Variants in CLSTN2 observed in about 807,000 individuals in gnomAD.
CLSTN2 encodes the protein calsyntenin 2.
In CLSTN2, 48 loss-of-function variants were observed where a neutral mutation model predicts 101.2. The observed-to-expected ratio is 0.47, with a 90% CI of 0.38 to 0.60. CLSTN2 has a LOEUF of 0.60. Among genes scored for constraint, CLSTN2 ranks in the 20% least tolerant of loss-of-function variants. CLSTN2 has a pLI of 0.00. For synonymous variants in CLSTN2, 481 were observed against 463.6 expected, an observed-to-expected ratio of 1.04 and a Z score of -0.48; for missense variants, 1,160 against 1,238.2, an observed-to-expected ratio of 0.94 and a Z score of 0.95.
chr3:140,038,971 T>C (rs1291011229), intron 1 of CLSTN2, among the ~76,000 whole-genome samples: 1 of 152,210 alleles, frequency 6.6e-6, no homozygotes, highest in East Asian at 1.9e-4. Flanking sequence ...GTGAGTTTAC[T>C]TGACTTCATT....
intron 9 of CLSTN2, 30 bp downstream of exon 9, chr3:140,532,516 C>A: frequency 3.8e-6 from 6 of 1,589,944 alleles, no homozygotes; most frequent in Non-Finnish European, 5.2e-6. Flanking sequence ...TTTTCTCTGA[C>A]CTGTTTGTGA....
chr3:140,241,487 A>G (rs1191367714), intron 2 of CLSTN2, among the ~76,000 whole-genome samples: 2 of 152,236 alleles, frequency 1.3e-5, no homozygotes, highest in East Asian at 1.9e-4. Context: ...ACCTAGAAGG[A>G]GCTGATTCTG....
intron 7 of CLSTN2, among the ~76,000 whole-genome samples, chr3:140,463,470 A>G (rs2108018976): frequency 6.6e-6 from 1 of 152,314 alleles, no homozygotes; most frequent in African/African-American, 2.4e-5. Context: ...AGGTACCCAG[A>G]AAACCACTCA....
At chr3:140,502,663 G>A (rs1934603804) in intron 8 of CLSTN2, among the ~76,000 whole-genome samples, 1 of 152,206 alleles carries the variant, frequency 6.6e-6, no homozygotes. Context: ...GGGATGGGGT[G>A]CAGTGGAGTG....
At chr3:140,322,137 G>T (rs897553534) in intron 2 of CLSTN2, among the ~76,000 whole-genome samples, 1 of 152,240 alleles carries the variant, frequency 6.6e-6, no homozygotes, top group South Asian at 2.1e-4. Context: ...GTCAGCAAAA[G>T]GAAAGAAACA....
At chr3:140,564,926 G>T (rs7631249) in intron 16 of CLSTN2, among the ~76,000 whole-genome samples, 4 of 152,004 alleles carry the variant, frequency 2.6e-5, no homozygotes, top group Non-Finnish European at 5.9e-5. Flanking sequence ...AAAAGGTAGG[G>T]GAAGATGATT....
At chr3:140,453,065 G>A (rs746791141) in intron 6 of CLSTN2, among the ~76,000 whole-genome samples, 6 of 152,206 alleles carry the variant, frequency 3.9e-5, no homozygotes, top group Non-Finnish European at 8.8e-5. Context: ...ATTAACAACA[G>A]CCCAAGAAAA....
chr3:140,466,587 C>T (rs1275576839), intron 7 of CLSTN2, 23 bp from the exon 8 acceptor site: 1 of 1,614,022 alleles, frequency 6.2e-7, no homozygotes, highest in African/African-American at 1.3e-5. Flanking sequence ...TCTCACTCTT[C>T]AAACCTTCTT....
rs142918111 is a variant in CLSTN2, at chr3:140,057,588, C to T, written c.110-118363C>T. ...TTAATCGCCTCATTAGTCATATTTA[C>T]ATTTTATTTTAATTGCATCCTCGAG... is the stretch of plus-strand genomic sequence containing the variant. On this transcript the variant is annotated intron_variant, in intron 1 of 16. Coordinates refer to ENST00000458420, the MANE Select transcript of CLSTN2 (RefSeq NM_022131.3). 1.4e-3 allele frequency among the ~76,000 whole-genome samples: 209 copies of T among 152,250 alleles called. 1 individual carries two copies. The East Asian group carries it at 0.022, about 16-fold the overall frequency.
In CLSTN2 at chr3:140,419,494, A is replaced by ATAT. The variant is rs1553741989; in HGVS notation, c.638-1631_638-1630insTAT. Among the ~76,000 whole-genome samples the ATAT allele has an allele frequency of 4.0e-4, 22 of 55,010 alleles. 4 individuals carry two copies. The highest frequency in any genetic ancestry group is 2.7e-3 in the South Asian group (6 of 2,208). The allele number at this position is 55,010 out of a possible 152,430, so 36.1% of individuals were successfully genotyped here. A position where few individuals can be genotyped will look rare whatever the true frequency, so the allele number is the denominator to read the frequency against. ...CCAGACTCTGTCTCAAAAAAAAAAAAATATATATATATATATATACACACA... is the reference window on the plus strand; with the variant it reads ...CCAGACTCTGTCTCAAAAAAAAAAAATATATATATATATATATATATACACACA... On this transcript the variant is annotated intron_variant, in intron 4 of 16. Transcript: ENST00000458420.
At chr3:140,538,034 G>T (rs897120502) in intron 9 of CLSTN2, among the ~76,000 whole-genome samples, 1 of 107,756 alleles carries the variant, frequency 9.3e-6, no homozygotes, top group South Asian at 2.4e-4. Context: ...AGCCGTTAAT[G>T]AAATGGCTAA....
At chr3:139,965,180 G>C (rs1466110435) in intron 1 of CLSTN2, among the ~76,000 whole-genome samples, 2 of 152,182 alleles carry the variant, frequency 1.3e-5, no homozygotes, top group Non-Finnish European at 2.9e-5. Flanking sequence ...TTAATCAAAG[G>C]TTCTATCATT....
intron 1 of CLSTN2, among the ~76,000 whole-genome samples, chr3:139,968,202 A>T (rs993399075): frequency 6.6e-6 from 1 of 152,168 alleles, no homozygotes; most frequent in African/African-American, 2.4e-5. Flanking sequence ...TGGAAGCCAG[A>T]ATTAACCAGA....
intron 1 of CLSTN2, among the ~76,000 whole-genome samples, chr3:140,166,748 G>T (rs2010141128): frequency 6.6e-6 from 1 of 152,168 alleles, no homozygotes; most frequent in Non-Finnish European, 1.5e-5. Context: ...TGTTTCCTCT[G>T]CATGAGTGCA....
intron 15 of CLSTN2, 111 bp from the exon 16 acceptor site, chr3:140,563,850 G>GA (rs1395345330): frequency 9.5e-7 from 1 of 1,050,468 alleles, no homozygotes; most frequent in African/African-American, 1.6e-5. Context: ...CTACAGCTGG[G>GA]AAGTGGTAGG....
intron 1 of CLSTN2, among the ~76,000 whole-genome samples, chr3:140,014,177 G>A (rs967929625): frequency 6.6e-6 from 1 of 152,096 alleles, no homozygotes; most frequent in East Asian, 1.9e-4. Flanking sequence ...AAGTAATGTC[G>A]AGAGCCTGTG....
At chr3:140,296,531 A>G (rs1206914090) in intron 2 of CLSTN2, among the ~76,000 whole-genome samples, 1 of 152,144 alleles carries the variant, frequency 6.6e-6, no homozygotes, top group Non-Finnish European at 1.5e-5. Flanking sequence ...TACTTGTTAT[A>G]TTTTTCATGG....
intron 1 of CLSTN2, among the ~76,000 whole-genome samples, chr3:140,008,797 G>C (rs1422778583): frequency 6.6e-6 from 1 of 152,206 alleles, no homozygotes. Flanking sequence ...GACGGAGCTG[G>C]CTGTGTTTGT....
chr3:140,324,934 TAA>T (rs1329335094), intron 2 of CLSTN2, among the ~76,000 whole-genome samples: 1 of 152,240 alleles, frequency 6.6e-6, no homozygotes, highest in Non-Finnish European at 1.5e-5. Flanking sequence ...ATTGCAAATG[TAA>T]CACAAAATTG....
Sources: gnomAD v4.1 joint callset for allele counts (sites outside exome capture counted in the v4.1 genomes callset) on GRCh38, gnomAD v4.1.1 for gene constraint, MANE v1.5 for transcripts, NCBI Gene and HGNC (gene_info 2026-07-23, HGNC 2026-07-21) for gene names.